MAP4K4: variants seen among roughly 807,000 people sequenced by gnomAD.
MAP4K4 encodes HPK/GCK-like kinase HGK.
Under a neutral mutation model 189.6 loss-of-function variants are expected in MAP4K4, and 38 were observed. The ratio of observed to expected loss-of-function variants is 0.20; its 90% CI spans 0.15 to 0.26. The LOEUF is 0.26. MAP4K4 is among the 10% of genes least tolerant of loss of function. The pLI is 1.00. For synonymous variants in MAP4K4, 610 were observed against 624.3 expected (o/e 0.98, Z 0.34); for missense variants, 1,054 against 1,726.9 (o/e 0.61, Z 6.91).
At chr2:101,761,318 A>C (rs2076276373) in intron 2 of MAP4K4, among the ~76,000 whole-genome samples, 1 of 152,176 alleles carries the variant, frequency 6.6e-6, no homozygotes. Flanking sequence ...TTTTCTTAAA[A>C]AAATTTTTTT....
intron 12 of MAP4K4, among the ~76,000 whole-genome samples, chr2:101,846,410 T>G (rs1259607342): frequency 1.3e-5 from 2 of 152,132 alleles, no homozygotes; most frequent in Non-Finnish European, 2.9e-5. Context: ...ATAGACTACT[T>G]TGGTGGTTTA....
At chr2:101,834,228 C>CCCTCCATCCCTCCCTT (rs1553518880) in intron 7 of MAP4K4, among the ~76,000 whole-genome samples, 181 bp from the exon 8 acceptor site, 34 of 130,264 alleles carry the variant, frequency 2.6e-4, no homozygotes, top group East Asian at 1.3e-3. Flanking sequence ...ATCCCTCCAT[C>CCCTCCATCCCTCCCTT]CCTCCCTTCC....
chr2:101,859,538 A>G, intron 14 of MAP4K4, 105 bp from the exon 15 acceptor site: 1 of 881,372 alleles, frequency 1.1e-6, no homozygotes, highest in Non-Finnish European at 1.7e-6. Context: ...TACAAAACAC[A>G]GAGGGAAAAT....
At chr2:101,890,174 C>G (rs2098544907) in intron 32 of MAP4K4, among the ~76,000 whole-genome samples, 1 of 152,158 alleles carries the variant, frequency 6.6e-6, no homozygotes, top group African/African-American at 2.4e-5. Flanking sequence ...GTAATTAATA[C>G]ATTTTTTGTT....
chr2:101,698,388 G>T, intron 1 of MAP4K4, 85 bp from the exon 2 acceptor site: 2 of 1,259,518 alleles, frequency 1.6e-6, no homozygotes, highest in Non-Finnish European at 2.3e-6. Context: ...TTTTGTCACC[G>T]CCTTTTCTCT....
At position 101,802,133 on chromosome 2, in the gene MAP4K4, C is replaced by G. The variant is rs150107285; in HGVS notation, c.180+11357C>G. Among the ~76,000 whole-genome samples the G allele has an allele frequency of 1.8e-3, 280 of 152,264 alleles. 2 individuals are homozygous for G. The highest frequency in any genetic ancestry group is 6.1e-3 in the African/African-American group (253 of 41,536). Reference sequence around the variant, plus strand: ...GTTTTAATGAGTCTGATGGTCTCCTCATAGTCTATGAGAGTCTGTAAGAAC... The same window carrying G: ...GTTTTAATGAGTCTGATGGTCTCCTGATAGTCTATGAGAGTCTGTAAGAAC... On this transcript the variant is annotated intron_variant, in intron 3 of 32. Coordinates refer to ENST00000324219, the Ensembl canonical transcript of MAP4K4.
intron 2 of MAP4K4, among the ~76,000 whole-genome samples, chr2:101,724,705 C>T (rs993572517): frequency 7.2e-5 from 11 of 152,126 alleles, no homozygotes; most frequent in African/African-American, 2.2e-4. Flanking sequence ...GTGGGTGATT[C>T]GCCTTGAGAG....
In MAP4K4 at chr2:101,707,535, CAG is replaced by C. The variant is rs779099737; in HGVS notation, c.123+9000_123+9001del. ...GCCTGTCTGTCTGTGTCTTTTGAGACAGAGTTTTGCTCTGTCCCCCAGGCTGC... is the reference window on the plus strand; with the variant it reads ...GCCTGTCTGTCTGTGTCTTTTGAGACAGTTTTGCTCTGTCCCCCAGGCTGC... On this transcript the variant is annotated intron_variant, in intron 2 of 32. Coordinates refer to ENST00000324219, the Ensembl canonical transcript of MAP4K4. Among the ~76,000 whole-genome samples, 200 of 152,018 alleles carry C rather than the reference CAG, an allele frequency of 1.3e-3. 3 individuals are homozygous for C. Among genetic ancestry groups the C allele is most frequent in the Admixed American group, 5.0e-3 (76 of 15,264 alleles).
intron 2 of MAP4K4, among the ~76,000 whole-genome samples, chr2:101,710,362 A>G (rs2044729040): frequency 6.6e-6 from 1 of 152,162 alleles, no homozygotes; most frequent in African/African-American, 2.4e-5. Context: ...TTCCCAGAAA[A>G]ATCTGACAGG....
intron 4 of MAP4K4, among the ~76,000 whole-genome samples, chr2:101,824,588 C>T (rs1276056684): frequency 6.6e-6 from 1 of 152,158 alleles, no homozygotes; most frequent in Non-Finnish European, 1.5e-5. Context: ...GAGATACCAT[C>T]AGATCTGTGG....
At chr2:101,855,431 A>G (rs2097422942) in intron 12 of MAP4K4, among the ~76,000 whole-genome samples, 3 of 152,228 alleles carry the variant, frequency 2.0e-5, no homozygotes, top group Admixed American at 1.3e-4. Flanking sequence ...AATACTTAGC[A>G]TAGTGCCAGG....
chr2:101,752,247 A>C (rs1370830429), intron 2 of MAP4K4, among the ~76,000 whole-genome samples: 1 of 152,202 alleles, frequency 6.6e-6, no homozygotes, highest in African/African-American at 2.4e-5. Context: ...AAGGTAGTGA[A>C]TGAAAGATTT....
At chr2:101,813,205 C>CT (rs1438054279) in intron 3 of MAP4K4, among the ~76,000 whole-genome samples, 3 of 152,150 alleles carry the variant, frequency 2.0e-5, no homozygotes, top group East Asian at 1.9e-4. Flanking sequence ...AATGGAAACA[C>CT]TTTTTTTCCT....
intron 16 of MAP4K4, among the ~76,000 whole-genome samples, chr2:101,862,567 G>A (rs3771903): frequency 0.6 from 91,149 of 152,076 alleles, 28,670 homozygotes; most frequent in African/African-American, 0.8. Flanking sequence ...GCCACTAATA[G>A]TTTAGAAAAT....
At chr2:101,731,357 C>T (rs1009961869) in intron 2 of MAP4K4, among the ~76,000 whole-genome samples, 21 of 151,796 alleles carry the variant, frequency 1.4e-4, no homozygotes, top group Admixed American at 2.6e-4. Flanking sequence ...CCTAGGTGAT[C>T]CGCCTGCCTT....
intron 2 of MAP4K4, among the ~76,000 whole-genome samples, chr2:101,779,319 G>A (rs2086050301): frequency 6.6e-6 from 1 of 152,116 alleles, no homozygotes; most frequent in Admixed American, 6.5e-5. Flanking sequence ...GCCTCATTAT[G>A]CAGAGTAGTC....
intron 2 of MAP4K4, among the ~76,000 whole-genome samples, chr2:101,724,413 G>A (rs1230144290): frequency 2.0e-5 from 3 of 152,156 alleles, no homozygotes; most frequent in Non-Finnish European, 2.9e-5. Flanking sequence ...CAAAAGGAGG[G>A]ATGGGTCAGT....
intron 31 of MAP4K4, 150 bp from the exon 32 acceptor site, chr2:101,888,646 C>T: frequency 1.9e-6 from 1 of 539,556 alleles, no homozygotes; most frequent in South Asian, 5.1e-5. Context: ...GGCAGAGTTC[C>T]TTGAAAACAA....
At chr2:101,864,045 T>C (rs1174209113) in exon 17 of MAP4K4, 9 of 1,359,908 alleles carry the variant, frequency 6.6e-6, no homozygotes, top group Non-Finnish European at 8.9e-6. Context: ...ACGAGGTGCC[T>C]CCAAGGGTAA....
Sources: gnomAD v4.1 joint callset for allele counts (sites outside exome capture counted in the v4.1 genomes callset) on GRCh38, gnomAD v4.1.1 for gene constraint, MANE v1.5 for transcripts, NCBI Gene and HGNC (gene_info 2026-07-23, HGNC 2026-07-21) for gene names.